The following PDZRN3 variants were observed in gnomAD, a reference collection of about 807,000 sequenced individuals.
PDZRN3 encodes the protein E3 ubiquitin-protein ligase PDZRN3.
Under a neutral mutation model 85.7 loss-of-function variants are expected in PDZRN3, and 38 were observed. The observed-to-expected ratio is 0.44, with a 90% CI of 0.34 to 0.58. The LOEUF is 0.58. Ranked by LOEUF, PDZRN3 falls within the 20% of genes least tolerant of loss-of-function variation. The pLI, the probability that PDZRN3 is intolerant of heterozygous loss-of-function variation, is 0.01. For synonymous variants in PDZRN3, 759 were observed against 638.0 expected, an observed-to-expected ratio of 1.19 and a Z score of -2.86; for missense variants, 1,629 against 1,506.4, an observed-to-expected ratio of 1.08 and a Z score of -1.35.
chr3:73,536,339 C>T (rs1180950411), intron 3 of PDZRN3, among the ~76,000 whole-genome samples: 1 of 152,190 alleles, frequency 6.6e-6, no homozygotes, highest in Non-Finnish European at 1.5e-5. Flanking sequence ...GAGGAGTTGA[C>T]AGGATGGAAA....
In PDZRN3 at chr3:73,462,407, T is replaced by C. The variant is rs551291545; in HGVS notation, c.919-58012A>G. On this transcript the variant is annotated intron_variant, in intron 3 of 9. Coordinates refer to ENST00000263666, the MANE Select transcript of PDZRN3 (RefSeq NM_015009.3). ...AAATACAAAAAAAATTAGCCAGGCG[T>C]GGTGGTGGGCCCCTGTAGTCCCAGC... is the stretch of plus-strand genomic sequence containing the variant. Among the ~76,000 whole-genome samples, 5 of 151,918 alleles carry C rather than the reference T, an allele frequency of 3.3e-5. No individual in the cohort carries two copies. In the East Asian group the frequency reaches 9.7e-4, roughly 29 times the overall value.
chr3:73,618,587 A>ATTATT (rs1169420406), intron 1 of PDZRN3, among the ~76,000 whole-genome samples: 1 of 149,520 alleles, frequency 6.7e-6, no homozygotes, highest in Non-Finnish European at 1.5e-5. Flanking sequence ...CTCAATGAAT[A>ATTATT]TTATTTTCTT....
At chr3:73,416,891 T>TTTTTTTTTTTTTTTTTTTTTTTTTTTG (rs1702100294) in intron 3 of PDZRN3, among the ~76,000 whole-genome samples, 1 of 139,158 alleles carries the variant, frequency 7.2e-6, no homozygotes, top group African/African-American at 2.8e-5. Context: ...TTTTTTTTTT[T>TTTTTTTTTTTTTTTTTTTTTTTTTTTG]TTTTTTTTTT....
In PDZRN3 at chr3:73,624,251, C is replaced by G. The variant is rs1418276369; in HGVS notation, c.575G>C (p.Gly192Ala). ...KALKKEALRAGKREKSLVAQL... is the reference protein window; with the variant it reads ...KALKKEALRAAKREKSLVAQL... ...GGCCACCAGCGACTTCTCGCGCTTC[C>G]CAGCGCGCAGCGCCTCCTTCTTGAG... Residue 192 changes from glycine (G) to alanine (A), a missense_variant, in exon 1 of 10, where the codon GGG (glycine) becomes GCG (alanine). Gly to Ala is a moderately conservative substitution (Grantham distance 60). Transcript: ENST00000263666. The G allele has an allele frequency of 1.4e-5, 21 of 1,452,790 alleles. No individual in the cohort carries two copies. The highest frequency in any genetic ancestry group is 1.9e-5 in the Non-Finnish European group (21 of 1,108,740). 90.0% of individuals were successfully genotyped at this position (1,452,790 alleles called of 1,614,324 possible).
At chr3:73,423,614 GATGTGTCTTCTTTTACAACAA>G (rs1430131345) in intron 3 of PDZRN3, among the ~76,000 whole-genome samples, 1 of 152,232 alleles carries the variant, frequency 6.6e-6, no homozygotes, top group African/African-American at 2.4e-5. Flanking sequence ...TAGTCTTACA[GATGTGTCTTCTTTTACAACAA>G]ATGTTACAGT....
intron 3 of PDZRN3, among the ~76,000 whole-genome samples, chr3:73,424,968 A>G (rs956597695): frequency 3.3e-5 from 5 of 152,122 alleles, no homozygotes; most frequent in African/African-American, 1.2e-4. Context: ...AGAGGCACAT[A>G]AATGCCTTCT....
chr3:73,559,792 C>A (rs1701777927), intron 3 of PDZRN3, among the ~76,000 whole-genome samples: 1 of 152,176 alleles, frequency 6.6e-6, no homozygotes, highest in Non-Finnish European at 1.5e-5. Flanking sequence ...TTGGCCAAGG[C>A]TGGAATATAG....
intron 3 of PDZRN3, among the ~76,000 whole-genome samples, chr3:73,585,847 A>G (rs1004671456): frequency 1.3e-5 from 2 of 152,206 alleles, no homozygotes; most frequent in Non-Finnish European, 2.9e-5. Context: ...AAGGTGACCA[A>G]TGTTAAATAT....
intron 3 of PDZRN3, among the ~76,000 whole-genome samples, chr3:73,532,337 T>C (rs960583524): frequency 2.0e-5 from 3 of 152,168 alleles, no homozygotes; most frequent in Non-Finnish European, 4.4e-5. Flanking sequence ...GTTAGTTCAA[T>C]AAAACTCTTC....
chr3:73,598,622 G>T lies in PDZRN3; in HGVS notation c.918+3732C>A, dbSNP rs550877909. On this transcript the variant is annotated intron_variant, in intron 3 of 9. Coordinates refer to ENST00000263666, the MANE Select transcript of PDZRN3 (RefSeq NM_015009.3). ...ACACAGGATTCCAGGGGACAGCATG[G>T]GCCCTGCAGCCATGTGGGCTGGAAG... 1.1e-4 allele frequency among the ~76,000 whole-genome samples: 16 copies of T among 152,284 alleles called. No individual in the cohort carries two copies. The East Asian group carries it at 3.1e-3, about 29-fold the overall frequency.
intron 3 of PDZRN3, among the ~76,000 whole-genome samples, chr3:73,543,880 A>G (rs1419046803): frequency 6.6e-6 from 1 of 152,196 alleles, no homozygotes; most frequent in African/African-American, 2.4e-5. Flanking sequence ...CAAAATAAAT[A>G]TAGGTTCATT....
intron 3 of PDZRN3, among the ~76,000 whole-genome samples, chr3:73,471,529 T>C (rs1040950744): frequency 2.0e-5 from 3 of 152,200 alleles, no homozygotes; most frequent in African/African-American, 7.2e-5. Flanking sequence ...TGTTTTGAGG[T>C]GGCTTGTCAT....
At chr3:73,526,640 C>T (rs1391125599) in intron 3 of PDZRN3, among the ~76,000 whole-genome samples, 1 of 152,162 alleles carries the variant, frequency 6.6e-6, no homozygotes, top group African/African-American at 2.4e-5. Context: ...TGTGCATATT[C>T]TCTAGTCCTG....
chr3:73,541,837 A>T (rs1304268753), intron 3 of PDZRN3, among the ~76,000 whole-genome samples: 1 of 152,222 alleles, frequency 6.6e-6, no homozygotes, highest in Non-Finnish European at 1.5e-5. Flanking sequence ...CAGAGACCAC[A>T]TCTTATTTTA....
At chr3:73,414,914 T>C (rs1264108771) in intron 3 of PDZRN3, among the ~76,000 whole-genome samples, 2 of 152,344 alleles carry the variant, frequency 1.3e-5, no homozygotes, top group East Asian at 3.9e-4. Context: ...ATTGCAGGAA[T>C]CATCTTTTGC....
intron 1 of PDZRN3, chr3:73,623,800 A>G: frequency 6.9e-6 from 2 of 291,214 alleles, no homozygotes; most frequent in Non-Finnish European, 6.3e-6. Context: ...TTGACTCTGG[A>G]GCTGCATTCT....
chr3:73,420,288 C>G (rs528279620), intron 3 of PDZRN3, among the ~76,000 whole-genome samples: 2 of 152,318 alleles, frequency 1.3e-5, no homozygotes, highest in African/African-American at 4.8e-5. Flanking sequence ...CACTGGCCAC[C>G]CCAAGTGCTG....
chr3:73,485,159 C>T (rs1029312767), intron 3 of PDZRN3, among the ~76,000 whole-genome samples: 1 of 151,966 alleles, frequency 6.6e-6, no homozygotes, highest in Non-Finnish European at 1.5e-5. Context: ...AAAATAATTG[C>T]GGTTTTGCCA....
At chr3:73,590,679 TTTCTCTTGCTTGA>T (rs1702345361) in intron 3 of PDZRN3, among the ~76,000 whole-genome samples, 2 of 152,334 alleles carry the variant, frequency 1.3e-5, no homozygotes, top group South Asian at 2.1e-4. Context: ...GATGAAATAT[TTTCTCTTGCTTGA>T]TTCTCTTGCT....
Sources: allele counts gnomAD v4.1 joint callset (sites outside exome capture counted in the v4.1 genomes callset), GRCh38; gene constraint gnomAD v4.1.1; transcripts MANE v1.5; gene names NCBI Gene and HGNC (gene_info 2026-07-23, HGNC 2026-07-21).